The following AUTS2 variants were observed in gnomAD, a reference collection of about 807,000 sequenced individuals.
The protein encoded by AUTS2 is activator of transcription and developmental regulator AUTS2, also known as autism susceptibility gene 2 protein.
AUTS2 carries 17 observed loss-of-function variants against 112.4 expected under a neutral mutation model. The ratio of observed to expected loss-of-function variants is 0.15; its 90% CI spans 0.10 to 0.23. The LOEUF (loss-of-function observed/expected upper bound fraction) is 0.23, where lower values mean the gene tolerates loss of function less well. Among genes scored for constraint, AUTS2 ranks in the 10% least tolerant of loss-of-function variants. The probability of loss-of-function intolerance (pLI) is 1.00; values close to 1 mark genes in which losing one functional copy is unlikely to be tolerated. For missense variants in AUTS2, 1,510 were observed against 1,701.6 expected, an observed-to-expected ratio of 0.89 and a Z score of 1.98; for synonymous variants, 751 against 702.7, an observed-to-expected ratio of 1.07 and a Z score of -1.09.
intron 2 of AUTS2, among the ~76,000 whole-genome samples, chr7:70,015,725 G>A (rs1169595949): frequency 6.6e-6 from 1 of 151,908 alleles, no homozygotes; most frequent in Non-Finnish European, 1.5e-5. Flanking sequence ...AGAAAAATTG[G>A]TAAAGCATTT....
At chr7:70,564,283 C>G (rs1255947776) in intron 5 of AUTS2, among the ~76,000 whole-genome samples, 1 of 152,200 alleles carries the variant, frequency 6.6e-6, no homozygotes, top group East Asian at 1.9e-4. Context: ...CTGCCTCAAT[C>G]TTCTCCATGC....
chr7:69,746,067 G>GTC (rs1409159003), intron 1 of AUTS2, among the ~76,000 whole-genome samples: 1 of 151,876 alleles, frequency 6.6e-6, no homozygotes, highest in South Asian at 2.1e-4. Flanking sequence ...TAGAGACACG[G>GTC]TCTCCCTATG....
At chr7:69,670,722 T>TA (rs1447202713) in intron 1 of AUTS2, among the ~76,000 whole-genome samples, 1 of 151,958 alleles carries the variant, frequency 6.6e-6, no homozygotes, top group Non-Finnish European at 1.5e-5. Context: ...ACAAAAAGAT[T>TA]AAAAAATTAG....
chr7:70,208,866 CT>C (rs1810712942), intron 4 of AUTS2, among the ~76,000 whole-genome samples: 2 of 151,622 alleles, frequency 1.3e-5, no homozygotes, highest in South Asian at 4.2e-4. Flanking sequence ...GCCGGTGTGG[CT>C]GGAATTTGGT....
chr7:69,652,058 A>G (rs1795314271), intron 1 of AUTS2, among the ~76,000 whole-genome samples: 1 of 152,140 alleles, frequency 6.6e-6, no homozygotes, highest in Admixed American at 6.5e-5. Flanking sequence ...AGGCCTTTGG[A>G]GCCTCCAGCT....
intron 2 of AUTS2, among the ~76,000 whole-genome samples, chr7:69,910,453 A>G (rs1360282486): frequency 6.6e-6 from 1 of 152,176 alleles, no homozygotes; most frequent in Admixed American, 6.5e-5. Flanking sequence ...CAATAGACAC[A>G]TACCCAAGAC....
intron 5 of AUTS2, among the ~76,000 whole-genome samples, chr7:70,531,342 A>G (rs1156587134): frequency 6.6e-6 from 1 of 152,232 alleles, no homozygotes; most frequent in Non-Finnish European, 1.5e-5. Context: ...CCAGGCCTGC[A>G]GACAGCTAGA....
intron 4 of AUTS2, among the ~76,000 whole-genome samples, chr7:70,245,612 T>C (rs550858740): frequency 6.6e-6 from 1 of 152,308 alleles, no homozygotes; most frequent in African/African-American, 2.4e-5. Context: ...TGTTCCATTG[T>C]ATGAATATAC....
At chr7:70,542,196 A>G (rs917417653) in intron 5 of AUTS2, among the ~76,000 whole-genome samples, 1 of 152,134 alleles carries the variant, frequency 6.6e-6, no homozygotes, top group Non-Finnish European at 1.5e-5. Flanking sequence ...ACTTGTTCTT[A>G]TGACTTGTTC....
intron 2 of AUTS2, among the ~76,000 whole-genome samples, chr7:70,080,088 T>TG (rs1345474710): frequency 6.6e-6 from 1 of 152,152 alleles, no homozygotes; most frequent in Non-Finnish European, 1.5e-5. Context: ...CACATGCTTT[T>TG]GGGGGGACAC....
At chr7:70,734,080 T>C (rs1234974661) in intron 6 of AUTS2, among the ~76,000 whole-genome samples, 1 of 152,090 alleles carries the variant, frequency 6.6e-6, no homozygotes, top group Non-Finnish European at 1.5e-5. Context: ...TTGATTCTCA[T>C]ACTCAAGCCT....
intron 1 of AUTS2, 113 bp from the exon 2 acceptor site, chr7:69,899,173 C>T: frequency 1.3e-6 from 1 of 754,572 alleles, no homozygotes. Flanking sequence ...TCCCACTTTC[C>T]TATCCCTCTC....
intron 2 of AUTS2, among the ~76,000 whole-genome samples, chr7:69,924,388 G>A (rs987515786): frequency 6.6e-6 from 1 of 152,012 alleles, no homozygotes; most frequent in Admixed American, 6.5e-5. Flanking sequence ...AAATTGGTCT[G>A]TAGTTTTCTT....
At chr7:70,304,797 AT>A (rs1249958969) in intron 4 of AUTS2, among the ~76,000 whole-genome samples, 1 of 140,998 alleles carries the variant, frequency 7.1e-6, no homozygotes, top group Non-Finnish European at 1.5e-5. Context: ...ATAGTTTCAG[AT>A]TTTGGAGCAT....
At chr7:69,828,310 G>A (rs1791344957) in intron 1 of AUTS2, among the ~76,000 whole-genome samples, 2 of 152,164 alleles carry the variant, frequency 1.3e-5, no homozygotes, top group South Asian at 2.1e-4. Context: ...TTTTGATGAA[G>A]AGAAGTATAA....
At chr7:70,721,905 T>G (rs1489805257) in intron 6 of AUTS2, among the ~76,000 whole-genome samples, 4 of 152,242 alleles carry the variant, frequency 2.6e-5, no homozygotes, top group Non-Finnish European at 5.9e-5. Flanking sequence ...CTGCTGCACT[T>G]TCTGCATAAT....
rs117479578 is a variant in AUTS2, at chr7:70,040,152, G to A, written c.523-77980G>A. Among the ~76,000 whole-genome samples, 847 of 152,200 alleles carry A rather than the reference G, an allele frequency of 5.6e-3. 4 individuals carry two copies. The highest frequency in any genetic ancestry group is 9.2e-3 in the Non-Finnish European group (629 of 68,018). ...AGTGGGTACATATAATTTTACGTAC[G>A]ACCAAACCCATAGAATGTACAGCAC... On this transcript the variant is annotated intron_variant, in intron 2 of 18. Coordinates refer to ENST00000342771, the MANE Select transcript of AUTS2 (RefSeq NM_015570.4).
chr7:69,876,149 G>A (rs1159104587), intron 1 of AUTS2, among the ~76,000 whole-genome samples: 1 of 149,772 alleles, frequency 6.7e-6, no homozygotes, highest in Admixed American at 6.7e-5. Flanking sequence ...GGCAGTTCAC[G>A]CGGTCAGGAG....
chr7:70,438,039 C>G (rs1489719477), intron 5 of AUTS2, among the ~76,000 whole-genome samples: 1 of 151,880 alleles, frequency 6.6e-6, no homozygotes, highest in Non-Finnish European at 1.5e-5. Flanking sequence ...GACCTTGGAG[C>G]CTTTGGGGCT....
Sources: gnomAD v4.1 joint callset for allele counts (sites outside exome capture counted in the v4.1 genomes callset) on GRCh38, gnomAD v4.1.1 for gene constraint, MANE v1.5 for transcripts, NCBI Gene and HGNC (gene_info 2026-07-23, HGNC 2026-07-21) for gene names.